CNTN4: variants seen among roughly 807,000 people sequenced by gnomAD.
CNTN4 encodes the protein contactin-4.
CNTN4 carries 77 observed loss-of-function variants against 122.5 expected under a neutral mutation model. That is an observed-to-expected ratio of 0.63 (90% CI 0.52 to 0.76). The LOEUF (loss-of-function observed/expected upper bound fraction) is 0.76, where lower values mean the gene tolerates loss of function less well. CNTN4 is among the 30% of genes least tolerant of loss of function. The probability of loss-of-function intolerance (pLI) is 0.00; values close to 1 mark genes in which losing one functional copy is unlikely to be tolerated. For synonymous variants in CNTN4, 512 were observed against 447.0 expected (o/e 1.15, Z -1.83); for missense variants, 1,256 against 1,259.1 (o/e 1.00, Z 0.04).
chr3:2,974,109 C>T (rs193044507), intron 13 of CNTN4, among the ~76,000 whole-genome samples: 1 of 152,264 alleles, frequency 6.6e-6, no homozygotes, highest in African/African-American at 2.4e-5. Context: ...CCTGAGTAAT[C>T]CCTCTTTTAC....
chr3:2,472,474 T>G (rs1000985089), intron 3 of CNTN4, among the ~76,000 whole-genome samples: 6 of 152,138 alleles, frequency 3.9e-5, no homozygotes, highest in African/African-American at 1.2e-4. Flanking sequence ...TCTGGCCTCA[T>G]GTGATCCACC....
chr3:2,150,305 A>T (rs1264498844), intron 2 of CNTN4, among the ~76,000 whole-genome samples: 6 of 152,362 alleles, frequency 3.9e-5, no homozygotes, highest in Admixed American at 3.9e-4. Context: ...AGTAAAAAAA[A>T]GTCAGCTAAA....
intron 7 of CNTN4, among the ~76,000 whole-genome samples, chr3:2,864,107 A>G (rs534962168): frequency 5.9e-5 from 9 of 152,354 alleles, no homozygotes; most frequent in Middle Eastern, 3.4e-3. Context: ...TGCAACACCA[A>G]TAATAACTAA....
At position 2,466,970 on chromosome 3, in the gene CNTN4, C is replaced by CTTTCTTTT. The variant is rs1392656721; in HGVS notation, c.-88-104443_-88-104442insCTTTTTTT. On this transcript the variant is annotated intron_variant, in intron 3 of 24. Coordinates refer to ENST00000418658, the MANE Select transcript of CNTN4 (RefSeq NM_175607.3). Reference sequence around the variant, plus strand: ...TTTTTCTTTCTTTCTTTCTTTCTTTCTTTTTTTTTTTTTTTTTGCATTTCC... The same window carrying CTTTCTTTT: ...TTTTTCTTTCTTTCTTTCTTTCTTTCTTTCTTTTTTTTTTTTTTTTTTTTTGCATTTCC... 1.3e-3 allele frequency among the ~76,000 whole-genome samples: 154 copies of CTTTCTTTT among 115,748 alleles called. 1 individual carries two copies. The highest frequency in any genetic ancestry group is 4.9e-3 in the African/African-American group (146 of 29,636). 75.9% of individuals were successfully genotyped at this position (115,748 alleles called of 152,430 possible). A position where few individuals can be genotyped will look rare whatever the true frequency, so the allele number is the denominator to read the frequency against.
chr3:2,835,692 A>G (rs924208727), intron 7 of CNTN4, among the ~76,000 whole-genome samples: 2 of 152,164 alleles, frequency 1.3e-5, no homozygotes, highest in Non-Finnish European at 2.9e-5. Context: ...TAAAACCCAT[A>G]TTAATATATT....
chr3:3,043,477 T>C, intron 22 of CNTN4, 115 bp from the exon 23 acceptor site: 1 of 794,080 alleles, frequency 1.3e-6, no homozygotes, highest in Non-Finnish European at 2.2e-6. Context: ...AAGACACATA[T>C]TAGTGCAATA....
chr3:2,772,456 C>T (rs1178588819), intron 6 of CNTN4, among the ~76,000 whole-genome samples: 1 of 151,670 alleles, frequency 6.6e-6, no homozygotes, highest in Non-Finnish European at 1.5e-5. Flanking sequence ...CATAGAATGA[C>T]TTTAAAGTCT....
chr3:2,535,428 A>G (rs753068257), intron 3 of CNTN4, among the ~76,000 whole-genome samples: 11 of 152,074 alleles, frequency 7.2e-5, no homozygotes, highest in Non-Finnish European at 1.5e-4. Flanking sequence ...TGTTTTTTCT[A>G]ATACTATCAG....
intron 6 of CNTN4, among the ~76,000 whole-genome samples, chr3:2,817,441 A>T (rs982679830): frequency 2.0e-5 from 3 of 152,232 alleles, no homozygotes; most frequent in Non-Finnish European, 4.4e-5. Flanking sequence ...TCAATTAATG[A>T]CTAATAAACG....
chr3:2,140,282 T>C (rs2034929217), intron 2 of CNTN4, among the ~76,000 whole-genome samples: 1 of 152,224 alleles, frequency 6.6e-6, no homozygotes, highest in African/African-American at 2.4e-5. Flanking sequence ...TCCTTATTTA[T>C]GGATTGATGA....
At chr3:2,797,553 G>A (rs968713002) in intron 6 of CNTN4, among the ~76,000 whole-genome samples, 1 of 152,096 alleles carries the variant, frequency 6.6e-6, no homozygotes, top group South Asian at 2.1e-4. Context: ...AGCCGAGATC[G>A]CGCCACTGCA....
chr3:3,052,985 A>G (rs1030475170), intron 23 of CNTN4, among the ~76,000 whole-genome samples: 2 of 152,182 alleles, frequency 1.3e-5, no homozygotes, highest in African/African-American at 4.8e-5. Context: ...ACTATTTCTT[A>G]CATGCTTCCT....
At chr3:2,764,847 T>C (rs1428650210) in intron 6 of CNTN4, among the ~76,000 whole-genome samples, 1 of 152,186 alleles carries the variant, frequency 6.6e-6, no homozygotes, top group Non-Finnish European at 1.5e-5. Flanking sequence ...ACCTGTACTC[T>C]TGATGTTCCC....
intron 2 of CNTN4, among the ~76,000 whole-genome samples, chr3:2,304,148 A>T (rs1421244798): frequency 2.0e-5 from 3 of 152,174 alleles, no homozygotes; most frequent in Non-Finnish European, 4.4e-5. Flanking sequence ...TTACATTGTA[A>T]TGGGAAGTTA....
intron 7 of CNTN4, among the ~76,000 whole-genome samples, chr3:2,840,944 A>G (rs1409623930): frequency 2.0e-5 from 3 of 152,086 alleles, no homozygotes; most frequent in Non-Finnish European, 4.4e-5. Flanking sequence ...TCTAATTGCT[A>G]AAGAGGTGAT....
chr3:2,521,584 T>TA (rs1235419531), intron 3 of CNTN4, among the ~76,000 whole-genome samples: 1 of 152,106 alleles, frequency 6.6e-6, no homozygotes, highest in Non-Finnish European at 1.5e-5. Flanking sequence ...CTATTAAAGA[T>TA]AATAATTTAG....
intron 13 of CNTN4, among the ~76,000 whole-genome samples, chr3:2,965,692 A>T (rs530835919): frequency 6.6e-6 from 1 of 152,284 alleles, no homozygotes; most frequent in Admixed American, 6.5e-5. Context: ...TTAAGTTCTT[A>T]TCCTGGGATA....
intron 6 of CNTN4, among the ~76,000 whole-genome samples, chr3:2,791,712 G>A (rs956359956): frequency 7.9e-5 from 12 of 152,140 alleles, no homozygotes; most frequent in East Asian, 3.9e-4. Flanking sequence ...TACGGTTCTA[G>A]AGACTAGAGA....
intron 3 of CNTN4, among the ~76,000 whole-genome samples, chr3:2,347,003 C>G (rs889075985): frequency 4.6e-5 from 7 of 151,998 alleles, no homozygotes; most frequent in Non-Finnish European, 7.4e-5. Flanking sequence ...TCCTAGCTAG[C>G]CTTTCACTTT....
Sources: allele counts gnomAD v4.1 joint callset (sites outside exome capture counted in the v4.1 genomes callset), GRCh38; gene constraint gnomAD v4.1.1; transcripts MANE v1.5; gene names NCBI Gene and HGNC (gene_info 2026-07-23, HGNC 2026-07-21).